PCDHGB5: variants seen among roughly 807,000 people sequenced by gnomAD.
PCDHGB5 encodes protocadherin gamma-B5.
A neutral mutation model predicts 62.9 loss-of-function variants in PCDHGB5; 48 were observed. The ratio of observed to expected loss-of-function variants is 0.76; its 90% confidence interval spans 0.61 to 0.97. The LOEUF is 0.97. Ranked by LOEUF, PCDHGB5 falls within the 50% of genes least tolerant of loss-of-function variation. The probability of loss-of-function intolerance (pLI) is 0.00; values close to 1 mark genes in which losing one functional copy is unlikely to be tolerated. For missense variants in PCDHGB5, 1,118 were observed against 1,198.6 expected (o/e 0.93, Z 0.99); for synonymous variants, 474 against 511.2 (o/e 0.93, Z 0.98).
At chr5:141,427,006 G>C (rs1288837425) in intron 1 of PCDHGB5, 3 of 456,792 alleles carry the variant, frequency 6.6e-6, no homozygotes, top group South Asian at 3.1e-5. Flanking sequence ...CCAGTTTTTA[G>C]CCAGGATGTA....
rs766638463 is a variant in PCDHGB5 at position 141,476,525 on chromosome 5, A to G, written c.2398-18282A>G. ...CAACGACAACAATCCTGCTTTCCCT[A>G]CCCAGGAAATGAAATTGGAGATTAG... On this transcript the variant is annotated intron_variant, in intron 1 of 3. Transcript: ENST00000617380. This position sits in a 1 kb window ranked among gnomAD's most constrained non-coding sequence, Gnocchi z 7.6. 6 of 1,613,950 alleles carry G rather than the reference A, an allele frequency of 3.7e-6. No homozygotes were observed. The African/African-American group carries it at 6.7e-5, about 18-fold the overall frequency.
In PCDHGB5 at chr5:141,404,353, A is replaced by G. The variant is rs778714799; in HGVS notation, c.2397+3829A>G. ...TCTACCTCCCGGAAAACAACGCCAGAGGTACTTCCATCTTCTCCGTGATTG... is the reference window on the plus strand; with the variant it reads ...TCTACCTCCCGGAAAACAACGCCAGGGGTACTTCCATCTTCTCCGTGATTG... On this transcript the variant is annotated intron_variant, in intron 1 of 3. Coordinates refer to ENST00000617380, the MANE Select transcript of PCDHGB5 (RefSeq NM_018925.3). 2.0e-5 allele frequency: 33 copies of G among 1,613,948 alleles called. No individual in the cohort carries two copies. In the Admixed American group the frequency reaches 5.5e-4, roughly 27 times the overall value.
At chr5:141,413,331 C>T (rs1300057166) in intron 1 of PCDHGB5, 1 of 1,613,992 alleles carries the variant, frequency 6.2e-7, no homozygotes, top group Admixed American at 1.7e-5. Context: ...TGGGCAACAT[C>T]TCCAAGGACT....
intron 1 of PCDHGB5, among the ~76,000 whole-genome samples, chr5:141,464,557 C>A (rs1342964264): frequency 6.6e-6 from 1 of 152,132 alleles, no homozygotes; most frequent in Non-Finnish European, 1.5e-5. Context: ...CCCCATCTTG[C>A]ATTCCTACAA....
At chr5:141,480,653 T>C (rs1214823403) in intron 1 of PCDHGB5, among the ~76,000 whole-genome samples, 2 of 152,190 alleles carry the variant, frequency 1.3e-5, no homozygotes, top group Admixed American at 1.3e-4. Context: ...TGGTTGCACA[T>C]TAAAATCACC....
chr5:141,441,923 C>A, intron 1 of PCDHGB5: 2 of 351,136 alleles, frequency 5.7e-6, no homozygotes, highest in Non-Finnish European at 5.5e-6. Context: ...AGACACAATG[C>A]GTGGCTGTCC....
chr5:141,430,773 G>A (rs375524585), intron 1 of PCDHGB5: 2 of 1,507,932 alleles, frequency 1.3e-6, no homozygotes, highest in Non-Finnish European at 1.8e-6. Flanking sequence ...ATTCCTGCGC[G>A]ACTGCACCGG....
intron 1 of PCDHGB5, chr5:141,417,389 A>C (rs578088616): frequency 2.5e-4 from 39 of 154,566 alleles, no homozygotes; most frequent in Admixed American, 4.5e-4. Flanking sequence ...ATTTTGAAGA[A>C]AAAATATTCA....
intron 1 of PCDHGB5, among the ~76,000 whole-genome samples, chr5:141,462,086 A>C (rs993185274): frequency 6.6e-6 from 1 of 151,410 alleles, no homozygotes; most frequent in Non-Finnish European, 1.5e-5. Flanking sequence ...GCCTCCCAAA[A>C]TGCTGGGATT....
In PCDHGB5 at chr5:141,405,177, G is replaced by C. The variant is rs370032217; in HGVS notation, c.2397+4653G>C. On this transcript the variant is annotated intron_variant, in intron 1 of 3. Coordinates refer to ENST00000617380, the MANE Select transcript of PCDHGB5 (RefSeq NM_018925.3). Reference sequence around the variant, plus strand: ...GGTGTGCCCACCTCACACTTTGTGGGTGTAGATGGGGTTCGAGCTTTCCTA... The same window carrying C: ...GGTGTGCCCACCTCACACTTTGTGGCTGTAGATGGGGTTCGAGCTTTCCTA... 1.6e-5 allele frequency: 26 copies of C among 1,614,140 alleles called. No homozygotes were observed. The highest frequency in any genetic ancestry group is 2.0e-5 in the Non-Finnish European group (24 of 1,180,024).
intron 1 of PCDHGB5, chr5:141,423,751 G>GGC: frequency 2.9e-6 from 1 of 349,040 alleles, no homozygotes; most frequent in African/African-American, 6.5e-5. Context: ...AAAACTGTTT[G>GGC]GGGGGGGGGT....
At chr5:141,471,217 T>G (rs2099252724) in intron 1 of PCDHGB5, 1 of 151,568 alleles carries the variant, frequency 6.6e-6, no homozygotes, top group South Asian at 2.1e-4. Context: ...GCCTGGCAAT[T>G]TTTTTGTATT....
intron 1 of PCDHGB5, chr5:141,426,927 A>G (rs1480193041): frequency 2.2e-6 from 1 of 456,634 alleles, no homozygotes; most frequent in African/African-American, 2.0e-5. Flanking sequence ...AGCAATGGAC[A>G]TGGGTGACCC....
chr5:141,505,468 G>A lies in PCDHGB5; in HGVS notation c.2532G>A (p.Leu844=). 1 of 1,614,212 alleles carries A rather than the reference G, an allele frequency of 6.2e-7. No homozygotes were observed. Among genetic ancestry groups the A allele is most frequent in the Non-Finnish European group, 8.5e-7 (1 of 1,180,020 alleles). The change falls in exon 3 of 4, where the codon TTG becomes TTA. Residue 844 remains leucine (L), a synonymous_variant. Coordinates refer to ENST00000617380, the MANE Select transcript of PCDHGB5 (RefSeq NM_018925.3). The stretch of plus-strand genomic sequence containing the variant: ...CAGAGATGCTGCAAGCCATGATCTT[G>A]GCGTCCGCCAGTGGTAAGTGGTGTC... The part of the protein sequence containing the change: ...FDTEMLQAMI[L]ASASEAADGS...
rs549307445 is a variant in PCDHGB5, at chr5:141,400,703, G to T, written c.2397+179G>T. On this transcript the variant is annotated intron_variant, in intron 1 of 3. Transcript: ENST00000617380. The stretch of plus-strand genomic sequence containing the variant: ...TTGTGAGTTTTTATGTCGCATAAAA[G>T]AAGTAGCCTTATAGATTTACAAAGT... 6 of 714,832 alleles carry T rather than the reference G, an allele frequency of 8.4e-6. No homozygotes were observed. In the Admixed American group the frequency reaches 1.4e-4, roughly 17 times the overall value. The allele number at this position is 714,832 out of a possible 1,614,324, so 44.3% of individuals were successfully genotyped here. A position where few individuals can be genotyped will look rare whatever the true frequency, so the allele number is the denominator to read the frequency against.
At position 141,432,480 on chromosome 5, in the gene PCDHGB5, G is replaced by C; in HGVS notation, c.2397+31956G>C. ...GCCCTCCCCACGGACGGTTCCACTGGCGTGGAGCTGGCTCCCCGCTCCGCA... is the reference window on the plus strand; with the variant it reads ...GCCCTCCCCACGGACGGTTCCACTGCCGTGGAGCTGGCTCCCCGCTCCGCA... On this transcript the variant is annotated intron_variant, in intron 1 of 3. Coordinates refer to ENST00000617380, the MANE Select transcript of PCDHGB5 (RefSeq NM_018925.3). The surrounding 1 kb of genome is among the most constrained non-coding windows in gnomAD (Gnocchi z 6.0). 6 of 1,614,180 alleles carry C rather than the reference G, an allele frequency of 3.7e-6. No homozygotes were observed. Among genetic ancestry groups the C allele is most frequent in the Non-Finnish European group, 5.1e-6 (6 of 1,180,044 alleles).
At chr5:141,409,878 C>T in intron 1 of PCDHGB5, 4 of 1,612,952 alleles carry the variant, frequency 2.5e-6, no homozygotes, top group Middle Eastern at 1.6e-4. Flanking sequence ...AATGACAACG[C>T]ACCGCGGGTG....
chr5:141,424,538 A>G (rs547426760), intron 1 of PCDHGB5: 37 of 152,340 alleles, frequency 2.4e-4, no homozygotes, highest in African/African-American at 8.9e-4. Context: ...TATAGAAATA[A>G]CTTGATTTTG....
intron 1 of PCDHGB5, chr5:141,415,300 C>T (rs763286826): frequency 3.1e-6 from 5 of 1,614,222 alleles, no homozygotes; most frequent in East Asian, 4.5e-5. Context: ...CTGCGTCTTC[C>T]TGGCCTTCGT....
Sources: allele counts gnomAD v4.1 joint callset (sites outside exome capture counted in the v4.1 genomes callset), GRCh38; gene constraint gnomAD v4.1.1; non-coding constraint Gnocchi (gnomAD v3.1); transcripts MANE v1.5; gene names NCBI Gene and HGNC (gene_info 2026-07-23, HGNC 2026-07-21).